The following EXOC4 variants were observed in gnomAD, a reference collection of about 807,000 sequenced individuals.
EXOC4 encodes SEC8-like 1.
Under a neutral mutation model 107.2 loss-of-function variants are expected in EXOC4, and 71 were observed. The ratio of observed to expected loss-of-function variants is 0.66; its 90% confidence interval spans 0.55 to 0.81. The LOEUF (loss-of-function observed/expected upper bound fraction) is 0.81, where lower values mean the gene tolerates loss of function less well. Ranked by LOEUF, EXOC4 falls within the 30% of genes least tolerant of loss-of-function variation. The pLI is 0.00. For missense variants in EXOC4, 1,108 were observed against 1,189.6 expected (o/e 0.93, Z 1.01); for synonymous variants, 456 against 441.2 (o/e 1.03, Z -0.42).
At chr7:133,849,758 T>C (rs1002685240) in intron 11 of EXOC4, among the ~76,000 whole-genome samples, 1 of 152,214 alleles carries the variant, frequency 6.6e-6, no homozygotes, top group Non-Finnish European at 1.5e-5. Flanking sequence ...CTCTAATGCC[T>C]AACACGTAGT....
chr7:133,269,593 A>C (rs1279029155), intron 1 of EXOC4, among the ~76,000 whole-genome samples: 3 of 152,198 alleles, frequency 2.0e-5, no homozygotes, highest in Non-Finnish European at 4.4e-5. Flanking sequence ...ACAGGGATGC[A>C]TGTAAATTTC....
rs141379353 is a variant in EXOC4, at chr7:133,685,927, T to C, written c.1514+55786T>C. On this transcript the variant is annotated intron_variant, in intron 10 of 17. Transcript: ENST00000253861. The stretch of plus-strand genomic sequence containing the variant: ...TCTATTATTGCTCACTCCATGTCCA[T>C]GCGTACACACTATTTAGCTTCCACT... Among the ~76,000 whole-genome samples, 6 of 152,306 alleles carry C rather than the reference T, an allele frequency of 3.9e-5. No individual in the cohort carries two copies. The East Asian group carries it at 1.2e-3, about 29-fold the overall frequency.
chr7:133,970,684 A>C (rs888319810), intron 14 of EXOC4, among the ~76,000 whole-genome samples: 1 of 152,008 alleles, frequency 6.6e-6, no homozygotes, highest in African/African-American at 2.4e-5. Context: ...TCCAGTGTCT[A>C]ACCGGTCCCA....
intron 13 of EXOC4, among the ~76,000 whole-genome samples, chr7:133,925,971 G>A (rs539008115): frequency 2.7e-5 from 4 of 150,610 alleles, no homozygotes; most frequent in African/African-American, 7.4e-5. Flanking sequence ...CCCAGGAGGC[G>A]GAAGTTGCAG....
intron 7 of EXOC4, among the ~76,000 whole-genome samples, chr7:133,404,190 C>T (rs528130245): frequency 1.3e-5 from 2 of 152,162 alleles, no homozygotes; most frequent in Admixed American, 6.5e-5. Flanking sequence ...AGCTCCGCTT[C>T]CCGGTTTCAC....
downstream of EXOC4, among the ~76,000 whole-genome samples, chr7:134,070,458 A>G (rs1796258481): frequency 6.6e-6 from 1 of 152,226 alleles, no homozygotes; most frequent in African/African-American, 2.4e-5. Flanking sequence ...GTAATGAGAT[A>G]GAGCTACTTA....
intron 10 of EXOC4, among the ~76,000 whole-genome samples, chr7:133,681,428 G>A (rs541678367): frequency 2.8e-4 from 42 of 152,150 alleles, no homozygotes; most frequent in Admixed American, 9.2e-4. Flanking sequence ...AGTGAGAAAG[G>A]TCTGTAGTTG....
chr7:134,016,695 G>A (rs1041640003), intron 17 of EXOC4, among the ~76,000 whole-genome samples: 3 of 152,336 alleles, frequency 2.0e-5, no homozygotes, highest in Non-Finnish European at 4.4e-5. Context: ...CTCTGGCATA[G>A]CTGAGAATGT....
intron 11 of EXOC4, among the ~76,000 whole-genome samples, chr7:133,884,380 G>A (rs1052245101): frequency 3.9e-5 from 6 of 152,088 alleles, no homozygotes; most frequent in East Asian, 1.9e-4. Context: ...CCCAAAACTC[G>A]GGGCCTCAAT....
intron 10 of EXOC4, among the ~76,000 whole-genome samples, chr7:133,684,505 T>C (rs1794253069): frequency 6.6e-6 from 1 of 152,076 alleles, no homozygotes; most frequent in South Asian, 2.1e-4. Flanking sequence ...GGGTTCTATG[T>C]CTAAGAAAAT....
At chr7:133,999,591 T>A (rs187765159) in intron 15 of EXOC4, among the ~76,000 whole-genome samples, 2 of 152,352 alleles carry the variant, frequency 1.3e-5, no homozygotes, top group East Asian at 3.9e-4. Context: ...TCAGGTGTTT[T>A]CTATGAACAA....
intron 10 of EXOC4, among the ~76,000 whole-genome samples, chr7:133,635,014 T>C (rs1452559916): frequency 6.6e-6 from 1 of 152,196 alleles, no homozygotes; most frequent in Non-Finnish European, 1.5e-5. Context: ...AAATGGAATT[T>C]ATGTTATGGG....
intron 2 of EXOC4, among the ~76,000 whole-genome samples, chr7:133,281,383 G>A (rs929433497): frequency 3.4e-5 from 5 of 147,072 alleles, no homozygotes; most frequent in African/African-American, 1.2e-4. Context: ...AGACTCCATG[G>A]AAAAAATTGG....
chr7:133,951,228 C>T (rs935999604), intron 14 of EXOC4, among the ~76,000 whole-genome samples: 1 of 152,228 alleles, frequency 6.6e-6, no homozygotes, highest in African/African-American at 2.4e-5. Context: ...ACATCTGTTA[C>T]ACTCCTGCCT....
intron 1 of EXOC4, among the ~76,000 whole-genome samples, chr7:133,264,145 A>G (rs1456301334): frequency 6.6e-6 from 1 of 152,176 alleles, no homozygotes. Flanking sequence ...CCTTGGGCTC[A>G]GTTTTATGCC....
intron 12 of EXOC4, among the ~76,000 whole-genome samples, chr7:133,916,698 G>A (rs576835943): frequency 6.6e-6 from 1 of 152,288 alleles, no homozygotes; most frequent in South Asian, 2.1e-4. Context: ...TGTACTAAAA[G>A]AGATTCCTGC....
chr7:134,013,279 C>T (rs1181105049), intron 17 of EXOC4, among the ~76,000 whole-genome samples: 1 of 152,084 alleles, frequency 6.6e-6, no homozygotes, highest in Non-Finnish European at 1.5e-5. Flanking sequence ...GGCACGTTAC[C>T]AAAACCTATT....
At chr7:133,946,382 C>T (rs556826306) in intron 14 of EXOC4, among the ~76,000 whole-genome samples, 1 of 152,256 alleles carries the variant, frequency 6.6e-6, no homozygotes, top group South Asian at 2.1e-4. Flanking sequence ...ATATTTTGGC[C>T]TTATCTCATT....
intron 9 of EXOC4, among the ~76,000 whole-genome samples, chr7:133,590,889 G>T (rs1020211908): frequency 1.3e-5 from 2 of 152,210 alleles, no homozygotes; most frequent in African/African-American, 4.8e-5. Flanking sequence ...TCGATGGACA[G>T]CAAAGCTAAG....
Sources: allele counts gnomAD v4.1 joint callset (sites outside exome capture counted in the v4.1 genomes callset), GRCh38; gene constraint gnomAD v4.1.1; transcripts MANE v1.5; gene names NCBI Gene and HGNC (gene_info 2026-07-23, HGNC 2026-07-21).